The following WDR72 variants were observed in gnomAD, a reference collection of about 807,000 sequenced individuals.
WDR72 encodes WD repeat domain 72, also known as WD repeat-containing protein 72.
A neutral mutation model predicts 124.2 loss-of-function variants in WDR72; 120 were observed. The ratio of observed to expected loss-of-function variants is 0.97; its 90% confidence interval spans 0.83 to 1.12. The LOEUF is 1.12. WDR72 is among the 50% of genes most tolerant of loss of function. The pLI, the probability that WDR72 is intolerant of heterozygous loss-of-function variation, is 0.00. For missense variants in WDR72, 1,387 were observed against 1,278.8 expected, an observed-to-expected ratio of 1.08 and a Z score of -1.29; for synonymous variants, 452 against 441.7, an observed-to-expected ratio of 1.02 and a Z score of -0.29.
chr15:53,532,892 A>G (rs1270503262), intron 18 of WDR72, among the ~76,000 whole-genome samples: 1 of 152,128 alleles, frequency 6.6e-6, no homozygotes, highest in Admixed American at 6.6e-5. Flanking sequence ...ATGTAACCCA[A>G]AAATATGTAT....
chr15:53,673,070 A>G (rs2016048374), intron 13 of WDR72, among the ~76,000 whole-genome samples: 1 of 152,138 alleles, frequency 6.6e-6, no homozygotes, highest in African/African-American at 2.4e-5. Context: ...GTAGTGAGAC[A>G]TGATCATGCC....
intron 14 of WDR72, among the ~76,000 whole-genome samples, chr15:53,641,526 C>G (rs1280757615): frequency 6.6e-6 from 1 of 151,962 alleles, no homozygotes; most frequent in African/African-American, 2.4e-5. Context: ...CCTGGAAACC[C>G]ACTAAGGAGA....
rs12443193 is a variant in WDR72 at position 53,722,776 on chromosome 15, G to A, written c.260+26C>T. On this transcript the variant is annotated intron_variant, in intron 3 of 19. Coordinates refer to ENST00000360509, the MANE Select transcript of WDR72 (RefSeq NM_182758.4). ...TAAAAAGGGAAGGAAATGGAGAAGGGGACAAAGTTTACATACCATACCTAC... is the reference window on the plus strand; with the variant it reads ...TAAAAAGGGAAGGAAATGGAGAAGGAGACAAAGTTTACATACCATACCTAC... 4,381 of 1,595,882 alleles carry A rather than the reference G, an allele frequency of 2.7e-3. 112 individuals carry two copies. In the Admixed American group the frequency reaches 0.053, roughly 19 times the overall value.
rs535199171 is a variant in WDR72 at position 53,724,854 on chromosome 15, A to G, written c.154-1946T>C. Among the ~76,000 whole-genome samples, 7 of 152,326 alleles carry G rather than the reference A, an allele frequency of 4.6e-5. No homozygotes were observed. In the South Asian group the frequency reaches 1.4e-3, roughly 32 times the overall value. On this transcript the variant is annotated intron_variant, in intron 2 of 19. Transcript: ENST00000360509. ...CATTAAAGTTAATATAAAAACGACT[A>G]AAATTCCATTAGTCATAGACTAAAT...
At chr15:53,716,519 C>G (rs1311401297) in intron 4 of WDR72, 88 bp downstream of exon 4, 2 of 896,198 alleles carry the variant, frequency 2.2e-6, no homozygotes, top group African/African-American at 3.3e-5. Context: ...GAATATTCTC[C>G]AAAGATGTTT....
chr15:53,566,527 G>T (rs959602427), intron 18 of WDR72, among the ~76,000 whole-genome samples: 2 of 152,020 alleles, frequency 1.3e-5, no homozygotes, highest in East Asian at 3.9e-4. Flanking sequence ...TCTACTGCCT[G>T]GGAGGTAGGA....
chr15:53,549,973 T>G (rs1277773996), intron 18 of WDR72, among the ~76,000 whole-genome samples: 1 of 152,160 alleles, frequency 6.6e-6, no homozygotes, highest in Non-Finnish European at 1.5e-5. Flanking sequence ...GATACTTTCC[T>G]GAGTGAACTT....
intron 14 of WDR72, among the ~76,000 whole-genome samples, chr15:53,649,041 C>A (rs2015142592): frequency 6.6e-6 from 1 of 152,024 alleles, no homozygotes; most frequent in Admixed American, 6.6e-5. Context: ...ATAGTTCTTT[C>A]CAGTGGAAAG....
chr15:53,666,896 T>C (rs1036997652), intron 13 of WDR72, among the ~76,000 whole-genome samples: 1 of 152,232 alleles, frequency 6.6e-6, no homozygotes, highest in Non-Finnish European at 1.5e-5. Context: ...CTGTGGATTC[T>C]GAATCAGTAA....
intron 18 of WDR72, among the ~76,000 whole-genome samples, chr15:53,565,024 C>T (rs909329642): frequency 1.3e-5 from 2 of 151,782 alleles, no homozygotes; most frequent in Admixed American, 6.6e-5. Flanking sequence ...GGAATTAGAG[C>T]TGGGTGCTTT....
At chr15:53,591,167 C>T (rs1251425065) in intron 18 of WDR72, among the ~76,000 whole-genome samples, 11 of 151,998 alleles carry the variant, frequency 7.2e-5, no homozygotes, top group Admixed American at 6.6e-4. Context: ...GCCCCAAAGA[C>T]TATGTTAGGC....
intron 18 of WDR72, among the ~76,000 whole-genome samples, chr15:53,559,996 A>G (rs149557408): frequency 1.3e-5 from 2 of 152,022 alleles, no homozygotes; most frequent in African/African-American, 4.8e-5. Flanking sequence ...TTACAAGTTG[A>G]AATGCAGTCC....
At chr15:53,662,980 A>C (rs2015656522) in intron 14 of WDR72, among the ~76,000 whole-genome samples, 1 of 151,672 alleles carries the variant, frequency 6.6e-6, no homozygotes, top group African/African-American at 2.4e-5. Flanking sequence ...GAGCTGAGAG[A>C]ACTGCTTGGG....
At chr15:53,622,501 T>G (rs1243256771) in intron 14 of WDR72, among the ~76,000 whole-genome samples, 2 of 151,978 alleles carry the variant, frequency 1.3e-5, no homozygotes, top group African/African-American at 4.8e-5. Context: ...CTGCAAGCCA[T>G]TATCCTCAGC....
chr15:53,601,069 G>T (rs1386333248), intron 17 of WDR72, among the ~76,000 whole-genome samples: 1 of 151,822 alleles, frequency 6.6e-6, no homozygotes, highest in Non-Finnish European at 1.5e-5. Context: ...CATTTAACTA[G>T]GGTTAAAATG....
Position 53,642,497 on chromosome 15 carries a change from C to A in WDR72, c.1962+23075G>T, listed in dbSNP as rs1258645661. Among the ~76,000 whole-genome samples, 4 of 152,060 alleles carry A rather than the reference C, an allele frequency of 2.6e-5. No individual in the cohort carries two copies. In the South Asian group the frequency reaches 6.2e-4, roughly 24 times the overall value. On this transcript the variant is annotated intron_variant, in intron 14 of 19. Coordinates refer to ENST00000360509, the MANE Select transcript of WDR72 (RefSeq NM_182758.4). ...CTAGAAAGGGGCACATCAACAGCAT[C>A]ATAATAATAGAGCCTAACACAAGGG...
chr15:53,661,563 T>C (rs958715198), intron 14 of WDR72, among the ~76,000 whole-genome samples: 3 of 152,122 alleles, frequency 2.0e-5, no homozygotes, highest in African/African-American at 7.2e-5. Context: ...AGGTTAAATA[T>C]CCAAATCATA....
intron 18 of WDR72, among the ~76,000 whole-genome samples, chr15:53,531,247 C>T (rs1186765266): frequency 6.6e-6 from 1 of 151,968 alleles, no homozygotes; most frequent in African/African-American, 2.4e-5. Context: ...TGAGATTGAA[C>T]GAAAGACATG....
At chr15:53,730,558 G>C (rs1262430700) in intron 2 of WDR72, among the ~76,000 whole-genome samples, 1 of 152,050 alleles carries the variant, frequency 6.6e-6, no homozygotes, top group Non-Finnish European at 1.5e-5. Context: ...ACTTTTGGAG[G>C]GGGAAAGAAC....
Sources: allele counts gnomAD v4.1 joint callset (sites outside exome capture counted in the v4.1 genomes callset), GRCh38; gene constraint gnomAD v4.1.1; transcripts MANE v1.5; gene names NCBI Gene and HGNC (gene_info 2026-07-23, HGNC 2026-07-21).